ZNF280D: variants seen among roughly 807,000 people sequenced by gnomAD.
ZNF280D encodes the protein suppressor of hairy wing homolog 4.
ZNF280D carries 39 observed loss-of-function variants against 94.7 expected under a neutral mutation model. That is an observed-to-expected ratio of 0.41 (90% confidence interval 0.32 to 0.54). The LOEUF is 0.54. Among genes scored for constraint, ZNF280D ranks in the 20% least tolerant of loss-of-function variants. The pLI is 0.22. For synonymous variants in ZNF280D, 398 were observed against 377.6 expected (o/e 1.05, Z -0.63); for missense variants, 1,090 against 1,149.3 (o/e 0.95, Z 0.75).
chr15:56,700,832 A>C (rs2057017454), intron 6 of ZNF280D, 101 bp downstream of exon 6: 1 of 1,597,706 alleles, frequency 6.3e-7, no homozygotes, highest in South Asian at 1.1e-5. Context: ...CTACTGGATG[A>C]CTACTTATGA....
chr15:56,692,380 T>A (rs1238223237), intron 7 of ZNF280D, among the ~76,000 whole-genome samples: 3 of 152,098 alleles, frequency 2.0e-5, no homozygotes, highest in African/African-American at 7.2e-5. Context: ...AAATCATGTA[T>A]ACGTCTGTTT....
At chr15:56,714,184 A>C (rs950389364) in intron 1 of ZNF280D, among the ~76,000 whole-genome samples, 1 of 152,126 alleles carries the variant, frequency 6.6e-6, no homozygotes, top group Non-Finnish European at 1.5e-5. Context: ...ACTGTTAAAA[A>C]CCAGTCTTAC....
intron 10 of ZNF280D, among the ~76,000 whole-genome samples, chr15:56,680,493 T>C (rs2055545111): frequency 6.6e-6 from 1 of 152,172 alleles, no homozygotes. Flanking sequence ...TTTCTTTTTA[T>C]TTTGAGACCA....
At position 56,666,768 on chromosome 15, in the gene ZNF280D, T is replaced by C; in HGVS notation, c.1764A>G (p.Lys588=). 1 of 1,613,796 alleles carries C rather than the reference T, an allele frequency of 6.2e-7. No homozygotes were observed. Among genetic ancestry groups the C allele is most frequent in the South Asian group, 1.1e-5 (1 of 91,070 alleles). ...TCTTTTGCATATTAGAGATTTTTGG[T>C]TTGTATTTAGATTTACTTCCATTAG... The part of the protein sequence containing the change: ...SKPNGSKSKY[K]PKISNMQKKQ... The change falls in exon 15 of 22, where the codon AAA becomes AAG. Residue 588 remains lysine (K), a synonymous_variant. Transcript: ENST00000267807.
chr15:56,711,497 T>C (rs960811127), intron 1 of ZNF280D, among the ~76,000 whole-genome samples: 1 of 152,024 alleles, frequency 6.6e-6, no homozygotes, highest in Non-Finnish European at 1.5e-5. Flanking sequence ...AAACCGGGAC[T>C]CTACTAAAAA....
intron 20 of ZNF280D, chr15:56,635,771 T>C (rs2140504240): frequency 6.6e-6 from 1 of 152,312 alleles, no homozygotes; most frequent in African/African-American, 2.4e-5. Flanking sequence ...TTTCAAATGT[T>C]TTACAGGGAA....
In ZNF280D at chr15:56,733,485, G is replaced by C; in HGVS notation, c.-113C>G. The C allele has an allele frequency of 8.9e-7, 1 of 1,128,292 alleles. No homozygotes were observed. The highest frequency in any genetic ancestry group is 1.1e-6 in the Non-Finnish European group (1 of 911,634). The allele number at this position is 1,128,292 out of a possible 1,614,324, so 69.9% of individuals were successfully genotyped here. On this transcript the variant is annotated 5_prime_UTR_variant, in exon 1 of 22. Coordinates refer to ENST00000267807, the MANE Select transcript of ZNF280D (RefSeq NM_017661.4). ...TGAGCGGAGCGGATCGGCCTGACTG[G>C]AGCCCTGAGGAGGAGGAGAAAGAGG... is the stretch of plus-strand genomic sequence containing the variant.
chr15:56,706,772 A>C (rs1242081437), intron 3 of ZNF280D, among the ~76,000 whole-genome samples: 1 of 152,196 alleles, frequency 6.6e-6, no homozygotes, highest in Non-Finnish European at 1.5e-5. Context: ...TTGAGAAAAA[A>C]AAAATTTAAG....
At chr15:56,682,215 T>C in intron 10 of ZNF280D, 39 bp downstream of exon 10, 2 of 1,384,942 alleles carry the variant, frequency 1.4e-6, no homozygotes, top group Admixed American at 4.8e-5. Flanking sequence ...TTTGCAGCAT[T>C]TCAATTTTCA....
At position 56,701,153 on chromosome 15, in the gene ZNF280D, A is replaced by G; in HGVS notation, c.241+20T>C. ...CAAAATACTTCACTTTAAAATTAAA[A>G]TAGTATAATAATACTGTACCTCGAC... On this transcript the variant is annotated intron_variant, in intron 5 of 21. Transcript: ENST00000267807. The G allele has an allele frequency of 6.3e-7, 1 of 1,598,486 alleles. No individual in the cohort carries two copies.
chr15:56,701,300 A>T (rs2057053219), intron 4 of ZNF280D, 62 bp from the exon 5 acceptor site: 8 of 1,147,474 alleles, frequency 7.0e-6, no homozygotes, highest in African/African-American at 1.6e-5. Flanking sequence ...TTAAGATAAT[A>T]GAAATCATGA....
At chr15:56,710,387 A>G (rs1294138092) in intron 1 of ZNF280D, among the ~76,000 whole-genome samples, 1 of 152,124 alleles carries the variant, frequency 6.6e-6, no homozygotes, top group Non-Finnish European at 1.5e-5. Flanking sequence ...CAGCCTGGGC[A>G]AGAGAGCAAG....
At chr15:56,679,932 G>C (rs1483352063) in intron 10 of ZNF280D, among the ~76,000 whole-genome samples, 1 of 152,136 alleles carries the variant, frequency 6.6e-6, no homozygotes, top group Non-Finnish European at 1.5e-5. Context: ...TTTACGTTTA[G>C]AGTAAAGATC....
In ZNF280D at chr15:56,701,012, A is replaced by C; in HGVS notation, c.302T>G (p.Val101Gly). The C allele has an allele frequency of 6.2e-7, 1 of 1,614,000 alleles. No individual in the cohort carries two copies. The highest frequency in any genetic ancestry group is 8.5e-7 in the Non-Finnish European group (1 of 1,179,870). Reference protein sequence around the residue: ...QHYTNPTSNPVPASPINFHPE... With the variant: ...QHYTNPTSNPGPASPINFHPE... ...ATGAAAATTTATTGGTGAGGCAGGC[A>C]CTGGATTTGATGTTGGATTCGTGTA... is the stretch of plus-strand genomic sequence containing the variant. Residue 101 changes from valine (V) to glycine (G), a missense_variant, in exon 6 of 22, where the codon GTG becomes GGG. By Grantham distance (109) the Val-to-Gly change is moderately radical. This residue lies in a region of ZNF280D where 386 missense variants were observed against 372.0 expected (regional missense o/e 1.04). Coordinates refer to ENST00000267807, the MANE Select transcript of ZNF280D (RefSeq NM_017661.4).
chr15:56,676,628 C>T, intron 13 of ZNF280D, 42 bp downstream of exon 13: 1 of 1,526,724 alleles, frequency 6.5e-7, no homozygotes, highest in South Asian at 1.3e-5. Context: ...AGTTTTTTCA[C>T]TAAGACAACA....
At chr15:56,636,031 T>C (rs1013697424) in intron 20 of ZNF280D, among the ~76,000 whole-genome samples, 5 of 152,176 alleles carry the variant, frequency 3.3e-5, no homozygotes, top group African/African-American at 7.2e-5. Flanking sequence ...TTAACCACTA[T>C]GGTAGATCGA....
At chr15:56,705,850 T>C (rs1284664449) in intron 3 of ZNF280D, among the ~76,000 whole-genome samples, 1 of 151,946 alleles carries the variant, frequency 6.6e-6, no homozygotes, top group East Asian at 1.9e-4. Flanking sequence ...AGTAGGCACA[T>C]GGCATATAAT....
chr15:56,706,532 A>C (rs1217004385), intron 3 of ZNF280D, among the ~76,000 whole-genome samples: 3 of 152,028 alleles, frequency 2.0e-5, no homozygotes, highest in African/African-American at 7.2e-5. Flanking sequence ...ACAAGTCAAG[A>C]AGAGAGGCCT....
chr15:56,713,824 C>G (rs563178848), intron 1 of ZNF280D, among the ~76,000 whole-genome samples: 5 of 152,194 alleles, frequency 3.3e-5, no homozygotes, highest in African/African-American at 4.8e-5. Flanking sequence ...TATCCATTGC[C>G]TGTTGATTCC....
Sources: allele counts gnomAD v4.1 joint callset (sites outside exome capture counted in the v4.1 genomes callset), GRCh38; gene constraint gnomAD v4.1.1; regional missense constraint gnomAD v4.1.1; transcripts MANE v1.5; gene names NCBI Gene and HGNC (gene_info 2026-07-23, HGNC 2026-07-21).